The following TRIM34 variants were observed in gnomAD, a reference collection of about 807,000 sequenced individuals.
The protein encoded by TRIM34 is tripartite motif containing 34.
In TRIM34, 41 loss-of-function variants were observed where a neutral mutation model predicts 38.1. That is an observed-to-expected ratio of 1.08 (90% CI 0.84 to 1.40). The LOEUF (loss-of-function observed/expected upper bound fraction) is 1.40, where lower values mean the gene tolerates loss of function less well. Ranked by LOEUF, TRIM34 falls within the 40% of genes most tolerant of loss-of-function variation. The pLI, the probability that TRIM34 is intolerant of heterozygous loss-of-function variation, is 0.00. For missense variants in TRIM34, 556 were observed against 571.4 expected, an observed-to-expected ratio of 0.97 and a Z score of 0.27; for synonymous variants, 200 against 202.5, an observed-to-expected ratio of 0.99 and a Z score of 0.10.
At chr11:5,640,425 G>A (rs1308049809) in intron 4 of TRIM34, among the ~76,000 whole-genome samples, 3 of 151,578 alleles carry the variant, frequency 2.0e-5, no homozygotes, top group African/African-American at 7.3e-5. Flanking sequence ...TATTAATATG[G>A]TATATTACAT....
chr11:5,623,430 C>T (rs1387440566), upstream of TRIM34, among the ~76,000 whole-genome samples: 2 of 151,680 alleles, frequency 1.3e-5, no homozygotes, highest in Admixed American at 6.6e-5. Context: ...TGCAGTGGTG[C>T]GATCTCGGCT....
At chr11:5,633,690 C>T in intron 2 of TRIM34, 114 bp from the exon 3 acceptor site, 1 of 1,006,458 alleles carries the variant, frequency 9.9e-7, no homozygotes, top group Non-Finnish European at 1.4e-6. Context: ...ACCAGCTTCA[C>T]AGTTTCTGTA....
chr11:5,630,895 A>G (rs139504913), intron 1 of TRIM34, among the ~76,000 whole-genome samples: 1 of 152,324 alleles, frequency 6.6e-6, no homozygotes, highest in Non-Finnish European at 1.5e-5. Context: ...CTGAATTTTA[A>G]TCACGGAAGA....
chr11:5,641,752 T>C (rs1385313391), intron 5 of TRIM34, among the ~76,000 whole-genome samples: 2 of 152,212 alleles, frequency 1.3e-5, no homozygotes, highest in Non-Finnish European at 2.9e-5. Flanking sequence ...TGGAAAAGTG[T>C]AGTCCTTGTT....
chr11:5,640,378 TC>T (rs2133951337), intron 4 of TRIM34, among the ~76,000 whole-genome samples: 1 of 152,300 alleles, frequency 6.6e-6, no homozygotes, highest in East Asian at 1.9e-4. Flanking sequence ...TTTTTTCATG[TC>T]TATTGAGATC....
At chr11:5,638,771 G>A (rs1307167537) in intron 4 of TRIM34, among the ~76,000 whole-genome samples, 1 of 152,198 alleles carries the variant, frequency 6.6e-6, no homozygotes, top group Non-Finnish European at 1.5e-5. Context: ...TATTGTACCT[G>A]TACAGAATGA....
chr11:5,631,524 G>C (rs1328083175), intron 1 of TRIM34, among the ~76,000 whole-genome samples: 1 of 152,196 alleles, frequency 6.6e-6, no homozygotes, highest in African/African-American at 2.4e-5. Context: ...TTTTTAAATT[G>C]TAACTGGTAA....
Position 5,640,442 on chromosome 11 carries a change from ATTTTT to A in TRIM34, c.751-720_751-716del, listed in dbSNP as rs201319272. ...TTAATATGGTATATTACATCAATTGATTTTTTTTTATGTTGAACCAACCTTGCATT... is the reference window on the plus strand; with the variant it reads ...TTAATATGGTATATTACATCAATTGATTTTATGTTGAACCAACCTTGCATT... On this transcript the variant is annotated intron_variant, in intron 4 of 7. Transcript: ENST00000429814. 8.0e-5 allele frequency among the ~76,000 whole-genome samples: 12 copies of A among 150,730 alleles called. No individual in the cohort carries two copies. The South Asian group carries it at 1.5e-3, about 18-fold the overall frequency.
chr11:5,623,372 T>C (rs1849064842), upstream of TRIM34, among the ~76,000 whole-genome samples: 1 of 151,928 alleles, frequency 6.6e-6, no homozygotes, highest in Non-Finnish European at 1.5e-5. Flanking sequence ...TTTATTTTTA[T>C]TTTTTTATTT....
Position 5,634,767 on chromosome 11 carries a change from C to A in TRIM34, c.656C>A (p.Ala219Asp), listed in dbSNP as rs1849658036. ...AAGACGCTGGATAAGTTTGCAGAGGCTGAGGATGAGCTAGTTCAGCAGAAG... is the reference window on the plus strand; with the variant it reads ...AAGACGCTGGATAAGTTTGCAGAGGATGAGGATGAGCTAGTTCAGCAGAAG... ...EKKTLDKFAE[A>D]EDELVQQKQL... The change falls in exon 4 of 8, where the codon GCT becomes GAT. Residue 219 changes from alanine to aspartate, a missense_variant. Coordinates refer to ENST00000429814, the MANE Select transcript of TRIM34 (RefSeq NM_021616.6). 1 of 1,613,910 alleles carries A rather than the reference C, an allele frequency of 6.2e-7. No homozygotes were observed. Among genetic ancestry groups the A allele is most frequent in the South Asian group, 1.1e-5 (1 of 91,084 alleles).
At position 5,636,212 on chromosome 11, in the gene TRIM34, T is replaced by C. The variant is rs1028324714; in HGVS notation, c.750+1351T>C. Among the ~76,000 whole-genome samples, 4 of 152,204 alleles carry C rather than the reference T, an allele frequency of 2.6e-5. No individual in the cohort carries two copies. In the East Asian group the frequency reaches 7.7e-4, roughly 29 times the overall value. ...TTAGCTGTGAAAAATAATGAATTAATAATACATGCTATGACATGGATGCAC... is the reference window on the plus strand; with the variant it reads ...TTAGCTGTGAAAAATAATGAATTAACAATACATGCTATGACATGGATGCAC... On this transcript the variant is annotated intron_variant, in intron 4 of 7. Coordinates refer to ENST00000429814, the MANE Select transcript of TRIM34 (RefSeq NM_021616.6).
At chr11:5,628,990 G>T (rs1380166258) in intron 1 of TRIM34, among the ~76,000 whole-genome samples, 2 of 151,902 alleles carry the variant, frequency 1.3e-5, no homozygotes, top group African/African-American at 4.8e-5. Context: ...AAAAACACAG[G>T]TCAAGGCCGG....
At chr11:5,641,381 T>C (rs7128128) in intron 5 of TRIM34, 192 bp downstream of exon 5, 4 of 1,358,520 alleles carry the variant, frequency 2.9e-6, no homozygotes, top group Non-Finnish European at 3.8e-6. Context: ...CGATCCTATG[T>C]TAGTAAATTC....
At chr11:5,638,728 C>T (rs1849852510) in intron 4 of TRIM34, among the ~76,000 whole-genome samples, 1 of 152,158 alleles carries the variant, frequency 6.6e-6, no homozygotes, top group African/African-American at 2.4e-5. Flanking sequence ...TTCTTAGTTA[C>T]TGGTGCCGTT....
intron 4 of TRIM34, among the ~76,000 whole-genome samples, chr11:5,636,971 C>T (rs952355372): frequency 2.0e-5 from 3 of 152,044 alleles, no homozygotes; most frequent in Admixed American, 2.0e-4. Flanking sequence ...ACAGTGAAAC[C>T]CCGTCTCTAC....
chr11:5,637,181 A>AG (rs1849782759), intron 4 of TRIM34, among the ~76,000 whole-genome samples: 1 of 152,118 alleles, frequency 6.6e-6, no homozygotes, highest in African/African-American at 2.4e-5. Context: ...TAAAAAAAAA[A>AG]GATATGTGCT....
chr11:5,635,445 A>G (rs1011857838), intron 4 of TRIM34, among the ~76,000 whole-genome samples: 11 of 151,962 alleles, frequency 7.2e-5, no homozygotes, highest in Non-Finnish European at 1.3e-4. Flanking sequence ...TTTAGTAAAC[A>G]TGGGGTTTCA....
chr11:5,623,461 G>T (rs558134791), upstream of TRIM34, among the ~76,000 whole-genome samples: 1 of 151,622 alleles, frequency 6.6e-6, no homozygotes, highest in Non-Finnish European at 1.5e-5. Flanking sequence ...TCCGCCTCCC[G>T]GGTTCAAGCA....
chr11:5,634,011 A>G, intron 3 of TRIM34, 112 bp downstream of exon 3: 1 of 1,137,818 alleles, frequency 8.8e-7, no homozygotes, highest in Non-Finnish European at 1.2e-6. Context: ...AAGCCATTTG[A>G]TTAGTTCTCT....
Sources: allele counts gnomAD v4.1 joint callset (sites outside exome capture counted in the v4.1 genomes callset), GRCh38; gene constraint gnomAD v4.1.1; transcripts MANE v1.5; gene names NCBI Gene and HGNC (gene_info 2026-07-23, HGNC 2026-07-21).